The following FAM83C variants were observed in gnomAD, a reference collection of about 807,000 sequenced individuals.
FAM83C encodes protein FAM83C.
FAM83C carries 23 observed loss-of-function variants against 27.1 expected under a neutral mutation model. The ratio of observed to expected loss-of-function variants is 0.85; its 90% CI spans 0.61 to 1.20. The LOEUF (loss-of-function observed/expected upper bound fraction) is 1.20. FAM83C is among the 50% of genes most tolerant of loss of function. The probability of loss-of-function intolerance (pLI) is 0.00; values close to 1 mark genes in which losing one functional copy is unlikely to be tolerated. For missense variants in FAM83C, 984 were observed against 1,001.3 expected, an observed-to-expected ratio of 0.98 and a Z score of 0.23; for synonymous variants, 426 against 423.1, an observed-to-expected ratio of 1.01 and a Z score of -0.09.
Position 35,292,294 on chromosome 20 carries a change from C to A in FAM83C, c.11G>T (p.Gly4Val), listed in dbSNP as rs1226307117. 1 of 1,522,624 alleles carries A rather than the reference C, an allele frequency of 6.6e-7. No homozygotes were observed. Among genetic ancestry groups the A allele is most frequent in the Non-Finnish European group, 8.8e-7 (1 of 1,141,172 alleles). 94.3% of individuals were successfully genotyped at this position (1,522,624 alleles called of 1,614,324 possible). ...GGCTCCCAGGACCCCAGGCCCCGGG[C>A]CTCCGAACATGCCTGCCACGCGGCT... is the stretch of plus-strand genomic sequence containing the variant. MFG[G>V]PGPGVLGAQG... Residue 4 changes from glycine to valine, a missense_variant, in exon 1 of 4, where the codon GGC (glycine) becomes GTC (valine). Gly to Val is a moderately radical substitution (Grantham distance 109). Transcript: ENST00000374408.
chr20:35,292,397 T>A lies in FAM83C; in HGVS notation c.-93A>T. Reference sequence around the variant, plus strand: ...GAAGAGGAGACCAGCAGAACCGCCTTCTGCCCGCCCGCTCGCTGTGTGTGT... The same window carrying A: ...GAAGAGGAGACCAGCAGAACCGCCTACTGCCCGCCCGCTCGCTGTGTGTGT... On this transcript the variant is annotated 5_prime_UTR_variant, in exon 1 of 4. Coordinates refer to ENST00000374408, the MANE Select transcript of FAM83C (RefSeq NM_178468.6). 1 of 1,420,992 alleles carries A rather than the reference T, an allele frequency of 7.0e-7. No homozygotes were observed. The highest frequency in any genetic ancestry group is 9.2e-7 in the Non-Finnish European group (1 of 1,090,870). 88.0% of individuals were successfully genotyped at this position (1,420,992 alleles called of 1,614,324 possible). A position where few individuals can be genotyped will look rare whatever the true frequency, so the allele number is the denominator to read the frequency against.
intron 1 of FAM83C, among the ~76,000 whole-genome samples, chr20:35,289,171 C>CT (rs990906934): frequency 6.6e-6 from 1 of 151,926 alleles, no homozygotes; most frequent in African/African-American, 2.4e-5. Flanking sequence ...TGACTGTCTT[C>CT]TTTTTTTTAA....
rs867400652 is a variant in FAM83C at position 35,287,410 on chromosome 20, G to A, written c.1369C>T (p.Arg457Trp). The change falls in exon 4 of 4, where the codon CGG (arginine) becomes TGG (tryptophan). Residue 457 changes from arginine (R) to tryptophan (W), a missense_variant. Arg to Trp is a moderately radical substitution (Grantham distance 101). Transcript: ENST00000374408. Reference sequence around the variant, plus strand: ...AACCGGGACAGAGCTGGGGCACCCCGATGGAACTGGAGGAGGGGCCGGGAG... The same window carrying A: ...AACCGGGACAGAGCTGGGGCACCCCAATGGAACTGGAGGAGGGGCCGGGAG... ...PRSRPLLQFHRGAPALSRFPE... is the reference protein window; with the variant it reads ...PRSRPLLQFHWGAPALSRFPE... 1.9e-6 allele frequency: 3 copies of A among 1,614,098 alleles called. No homozygotes were observed. Among genetic ancestry groups the A allele is most frequent in the Non-Finnish European group, 1.7e-6 (2 of 1,179,990 alleles).
chr20:35,287,935 C>A lies in FAM83C; in HGVS notation c.844G>T (p.Val282Leu). ...ACGATGCGGCCCCTCAGCTGCAGCA[C>A]CATGCTAGTGTGGGCCTGGCTGCAA... is the stretch of plus-strand genomic sequence containing the variant. ...WLCSQAHTSM[V>L]LQLRGRIVED... The change falls in exon 4 of 4, where the codon GTG becomes TTG. Residue 282 changes from valine to leucine, a missense_variant. By Grantham distance (32) the Val-to-Leu change is conservative. Coordinates refer to ENST00000374408, the MANE Select transcript of FAM83C (RefSeq NM_178468.6). 1 of 1,558,040 alleles carries A rather than the reference C, an allele frequency of 6.4e-7. No homozygotes were observed. The highest frequency in any genetic ancestry group is 8.7e-7 in the Non-Finnish European group (1 of 1,150,134).
At position 35,286,023 on chromosome 20, in the gene FAM83C, CT is replaced by C. The variant is rs11346452; in HGVS notation, c.*511del. On this transcript the variant is annotated 3_prime_UTR_variant, in exon 4 of 4. Transcript: ENST00000374408. ...CCACTCAGTCCTCTTTAGGGCATCT[CT>C]TTCACCTGATTCTCTCTACCAAAAA... 0.23 allele frequency: 37,593 copies of C among 160,494 alleles called. 4,718 individuals are homozygous for C. The highest frequency in any genetic ancestry group is 0.34 in the South Asian group (1,876 of 5,530). The allele number at this position is 160,494 out of a possible 1,614,324, so 9.9% of individuals were successfully genotyped here.
rs780674590 is a variant in FAM83C at position 35,288,978 on chromosome 20, C to T, written c.514-20G>A. The T allele has an allele frequency of 1.5e-5, 24 of 1,609,646 alleles. No homozygotes were observed. Among genetic ancestry groups the T allele is most frequent in the Admixed American group, 3.4e-5 (2 of 59,638 alleles). On this transcript the variant is annotated intron_variant, in intron 1 of 3. Coordinates refer to ENST00000374408, the MANE Select transcript of FAM83C (RefSeq NM_178468.6). The stretch of plus-strand genomic sequence containing the variant: ...CACCACCTGGGTGGGGGGAGGCACA[C>T]GAAAGCTCAGCGCTGCCCAGGGCAC...
rs1299672761 is a variant in FAM83C at position 35,287,426 on chromosome 20, G to A, written c.1353C>T (p.Pro451=). The A allele has an allele frequency of 1.2e-6, 2 of 1,614,144 alleles. No homozygotes were observed. The highest frequency in any genetic ancestry group is 1.7e-5 in the Admixed American group (1 of 60,014). The change falls in exon 4 of 4, where the codon CCC becomes CCT. Residue 451 remains proline, a synonymous_variant. Transcript: ENST00000374408. ...GGGCACCCCGATGGAACTGGAGGAG[G>A]GGCCGGGAGCGAGGAAGCAGAGGTG... is the stretch of plus-strand genomic sequence containing the variant. ...VGSPLLPRSR[P]LLQFHRGAPA... is the part of the protein sequence containing the mutation.
At position 35,292,292 on chromosome 20, in the gene FAM83C, G is replaced by T. The variant is rs1334957108; in HGVS notation, c.13C>A (p.Pro5Thr). MFGG[P>T]GPGVLGAQGM... ...TGGGCTCCCAGGACCCCAGGCCCCG[G>T]GCCTCCGAACATGCCTGCCACGCGG... Residue 5 changes from proline to threonine, a missense_variant, in exon 1 of 4, where the codon CCG becomes ACG. Pro to Thr is a conservative substitution (Grantham distance 38, BLOSUM62 -1). Transcript: ENST00000374408. 43 of 1,527,726 alleles carry T rather than the reference G, an allele frequency of 2.8e-5. No individual in the cohort carries two copies. The highest frequency in any genetic ancestry group is 3.5e-5 in the Non-Finnish European group (40 of 1,143,620). The allele number at this position is 1,527,726 out of a possible 1,614,324, so 94.6% of individuals were successfully genotyped here.
intron 3 of FAM83C, 81 bp from the exon 4 acceptor site, chr20:35,288,053 A>G (rs925422866): frequency 3.7e-5 from 46 of 1,244,682 alleles, no homozygotes; most frequent in Non-Finnish European, 4.9e-5. Context: ...AGGGGTGCAT[A>G]CCTGGTCCAG....
Position 35,287,093 on chromosome 20 carries a change from C to T in FAM83C, c.1686G>A (p.Leu562=). ...DSQLDLLSRA[L]GTGGAPELGS... is the part of the protein sequence containing the mutation. Reference sequence around the variant, plus strand: ...CCAACTCAGGGGCACCCCCAGTACCCAGGGCTCGGGACAGGAGATCCAGCT... The same window carrying T: ...CCAACTCAGGGGCACCCCCAGTACCTAGGGCTCGGGACAGGAGATCCAGCT... Residue 562 remains leucine, a synonymous_variant, in exon 4 of 4, where the codon CTG becomes CTA. Transcript: ENST00000374408. The T allele has an allele frequency of 6.2e-7, 1 of 1,605,042 alleles. No individual in the cohort carries two copies. The highest frequency in any genetic ancestry group is 8.5e-7 in the Non-Finnish European group (1 of 1,179,714).
Position 35,287,582 on chromosome 20 carries a change from T to C in FAM83C, c.1197A>G (p.Ser399=). 1.2e-6 allele frequency: 2 copies of C among 1,614,052 alleles called. No homozygotes were observed. Among genetic ancestry groups the C allele is most frequent in the Non-Finnish European group, 1.7e-6 (2 of 1,179,988 alleles). The change falls in exon 4 of 4, where the codon TCA becomes TCG. Residue 399 remains serine, a synonymous_variant. Coordinates refer to ENST00000374408, the MANE Select transcript of FAM83C (RefSeq NM_178468.6). Reference sequence around the variant, plus strand: ...CAGGAGGGGAGCCGTGGTTAGGGTCTGACAGTTGGCGATGTAGGGAGGGCT... The same window carrying C: ...CAGGAGGGGAGCCGTGGTTAGGGTCCGACAGTTGGCGATGTAGGGAGGGCT... ...SGQPSLHRQL[S]DPNHGSPPGL...
Position 35,286,501 on chromosome 20 carries a change from C to T in FAM83C, c.*34G>A. ...CTCGGTGGACAGAGGAGGGGCCTGCCCTTGCCAGTGCACCCCCGATGCCAG... is the reference window on the plus strand; with the variant it reads ...CTCGGTGGACAGAGGAGGGGCCTGCTCTTGCCAGTGCACCCCCGATGCCAG... On this transcript the variant is annotated 3_prime_UTR_variant, in exon 4 of 4. Transcript: ENST00000374408. 2 of 1,556,606 alleles carry T rather than the reference C, an allele frequency of 1.3e-6. No individual in the cohort carries two copies. The highest frequency in any genetic ancestry group is 1.7e-6 in the Non-Finnish European group (2 of 1,152,222).
In FAM83C at chr20:35,287,359, G is replaced by A; in HGVS notation, c.1420C>T (p.Gln474Ter). 3 of 1,613,894 alleles carry A rather than the reference G, an allele frequency of 1.9e-6. No homozygotes were observed. The highest frequency in any genetic ancestry group is 2.5e-6 in the Non-Finnish European group (3 of 1,179,950). The change falls in exon 4 of 4, where the codon CAA (glutamine) becomes TAA (stop). Residue 474 changes from glutamine (Q) to a stop codon, truncating the protein, a stop_gained. Coordinates refer to ENST00000374408, the MANE Select transcript of FAM83C (RefSeq NM_178468.6). LOFTEE classifies it low-confidence loss of function (END_TRUNC). ...CGACCCCGCAGGGGGCTGGGCTCTT[G>A]GCTTCCTGGGAGCCCATTCTCTGGG... The part of the protein sequence containing the change: ...RFPENGLPGS[Q>*]EPSPLRGRWV...
rs761282071 is a variant in FAM83C at position 35,287,371 on chromosome 20, G to C, written c.1408C>G (p.Leu470Val). The change falls in exon 4 of 4, where the codon CTC (leucine) becomes GTC (valine). Residue 470 changes from leucine to valine, a missense_variant. Physicochemically the swap from Leu to Val is conservative, Grantham distance 32 (BLOSUM62 1). Coordinates refer to ENST00000374408, the MANE Select transcript of FAM83C (RefSeq NM_178468.6). Reference protein sequence around the residue: ...PALSRFPENGLPGSQEPSPLR... With the variant: ...PALSRFPENGVPGSQEPSPLR... The stretch of plus-strand genomic sequence containing the variant: ...GGGCTGGGCTCTTGGCTTCCTGGGA[G>C]CCCATTCTCTGGGAACCGGGACAGA... 7 of 1,613,836 alleles carry C rather than the reference G, an allele frequency of 4.3e-6. No individual in the cohort carries two copies. The Admixed American group carries it at 1.0e-4, about 23-fold the overall frequency.
intron 3 of FAM83C, among the ~76,000 whole-genome samples, 177 bp from the exon 4 acceptor site, chr20:35,288,149 G>T (rs2060835600): frequency 1.1e-5 from 1 of 87,508 alleles, no homozygotes; most frequent in South Asian, 3.8e-4. Context: ...CCCTAGCCCT[G>T]CTTAGTGTGT....
chr20:35,287,864 C>T lies in FAM83C; in HGVS notation c.915G>A (p.Gln305=). Residue 305 remains glutamine, a synonymous_variant, in exon 4 of 4, where the codon CAG becomes CAA. Transcript: ENST00000374408. The stretch of plus-strand genomic sequence containing the variant: ...CACCGCCACAGAAGCCCTCCACAGG[C>T]TGCGACTCAGCGTACAGACAGCGGA... ...REFRCLYAES[Q]PVEGFCGGED... 1 of 1,565,414 alleles carries T rather than the reference C, an allele frequency of 6.4e-7. No individual in the cohort carries two copies. The highest frequency in any genetic ancestry group is 8.7e-7 in the Non-Finnish European group (1 of 1,154,338).
In FAM83C at chr20:35,291,860, G is replaced by A. The variant is rs747221692; in HGVS notation, c.445C>T (p.His149Tyr). Reference sequence around the variant, plus strand: ...TTCTTGGCCTTGTCCCTCTGGAAGTGGACCACAGCCTGGGTGGGGCTGAAG... The same window carrying A: ...TTCTTGGCCTTGTCCCTCTGGAAGTAGACCACAGCCTGGGTGGGGCTGAAG... ...TGFSPTQAVV[H>Y]FQRDKAKNIK... Residue 149 changes from histidine (H) to tyrosine (Y), a missense_variant, in exon 1 of 4, where the codon CAC becomes TAC. His to Tyr is a moderately conservative substitution (Grantham distance 83). Coordinates refer to ENST00000374408, the MANE Select transcript of FAM83C (RefSeq NM_178468.6). The A allele has an allele frequency of 3.1e-6, 5 of 1,614,176 alleles. No individual in the cohort carries two copies. The South Asian group carries it at 5.5e-5, about 18-fold the overall frequency.
Position 35,288,856 on chromosome 20 carries a change from G to A in FAM83C, c.616C>T (p.Gln206Ter). The A allele has an allele frequency of 6.2e-7, 1 of 1,614,100 alleles. No homozygotes were observed. The highest frequency in any genetic ancestry group is 8.5e-7 in the Non-Finnish European group (1 of 1,179,986). The change falls in exon 2 of 4, where the codon CAG becomes TAG. Residue 206 changes from glutamine (Q) to a stop codon, truncating the protein, a stop_gained. Coordinates refer to ENST00000374408, the MANE Select transcript of FAM83C (RefSeq NM_178468.6). LOFTEE classifies it high-confidence loss of function. ...RGVPVYLLLA[Q>*]EHLRHFLEMC... ...TCCAGGAAGTGCCTCAGGTGCTCCT[G>A]GGCAAGGAGCAGGTACACAGGGACA...
intron 3 of FAM83C, 99 bp downstream of exon 3, chr20:35,288,362 T>G: frequency 6.4e-7 from 1 of 1,560,224 alleles, no homozygotes; most frequent in Admixed American, 1.8e-5. Flanking sequence ...TGGCAGGTAC[T>G]CAGCCCGTGT....
Sources: allele counts gnomAD v4.1 joint callset (sites outside exome capture counted in the v4.1 genomes callset), GRCh38; gene constraint gnomAD v4.1.1; transcripts MANE v1.5; gene names NCBI Gene and HGNC (gene_info 2026-07-23, HGNC 2026-07-21).